The following AOPEP variants were observed in gnomAD, a reference collection of about 807,000 sequenced individuals.
The protein encoded by AOPEP is aminopeptidase O (putative).
AOPEP carries 77 observed loss-of-function variants against 98.1 expected under a neutral mutation model. That is an observed-to-expected ratio of 0.78 (90% CI 0.65 to 0.95). The LOEUF (loss-of-function observed/expected upper bound fraction) is 0.95. Ranked by LOEUF, AOPEP falls within the 40% of genes least tolerant of loss-of-function variation. AOPEP has a pLI of 0.00. For synonymous variants in AOPEP, 346 were observed against 365.3 expected (o/e 0.95, Z 0.60); for missense variants, 1,024 against 1,024.7 (o/e 1.00, Z 0.01).
intron 13 of AOPEP, among the ~76,000 whole-genome samples, chr9:95,016,775 CT>C (rs113574295): frequency 1.4e-3 from 196 of 142,232 alleles, no homozygotes; most frequent in Middle Eastern, 3.7e-3. Context: ...ACCATGTCAG[CT>C]TTTTTTTTTT....
At chr9:94,808,354 A>G (rs935822424) in intron 5 of AOPEP, among the ~76,000 whole-genome samples, 2 of 152,186 alleles carry the variant, frequency 1.3e-5, no homozygotes, top group African/African-American at 4.8e-5. Context: ...CTTTTCTTTA[A>G]GAGAAGTTTA....
chr9:94,889,530 C>T (rs2048630596), intron 5 of AOPEP, among the ~76,000 whole-genome samples: 1 of 152,070 alleles, frequency 6.6e-6, no homozygotes, highest in Non-Finnish European at 1.5e-5. Flanking sequence ...CTCTATCACC[C>T]AGGCTGGAGT....
At chr9:94,910,260 C>T (rs984765148) in intron 5 of AOPEP, among the ~76,000 whole-genome samples, 1 of 152,222 alleles carries the variant, frequency 6.6e-6, no homozygotes, top group African/African-American at 2.4e-5. Context: ...TGCCTCTTCA[C>T]CTGTGGAGAG....
At chr9:94,956,840 C>G (rs565689270) in intron 9 of AOPEP, among the ~76,000 whole-genome samples, 2 of 152,194 alleles carry the variant, frequency 1.3e-5, no homozygotes, top group Non-Finnish European at 2.9e-5. Context: ...GTCTCATTAT[C>G]TCCAGTGTTA....
intron 14 of AOPEP, among the ~76,000 whole-genome samples, chr9:95,069,166 A>C (rs1420829601): frequency 3.3e-5 from 5 of 152,194 alleles, no homozygotes; most frequent in African/African-American, 1.2e-4. Flanking sequence ...CAATCGACTT[A>C]CTTGCTGGAG....
chr9:95,029,348 T>TCC (rs1414411016), intron 13 of AOPEP, among the ~76,000 whole-genome samples: 1 of 152,192 alleles, frequency 6.6e-6, no homozygotes, highest in Non-Finnish European at 1.5e-5. Context: ...TTCCTGGCCT[T>TCC]TGTCCTTTTG....
At chr9:95,145,126 T>C in the AOPEP span, 2 of 152,256 alleles carry the variant, frequency 1.3e-5, no homozygotes, top group South Asian at 2.1e-4. Flanking sequence ...AATTAAAATA[T>C]GTATCCTAAT....
chr9:94,899,556 C>A (rs1368595515), intron 5 of AOPEP, among the ~76,000 whole-genome samples: 1 of 151,678 alleles, frequency 6.6e-6, no homozygotes, highest in Non-Finnish European at 1.5e-5. Flanking sequence ...TTGAGACCAG[C>A]CTGGGCAACA....
intron 14 of AOPEP, among the ~76,000 whole-genome samples, chr9:95,073,222 A>G (rs1359553868): frequency 6.6e-6 from 1 of 152,100 alleles, no homozygotes; most frequent in Non-Finnish European, 1.5e-5. Flanking sequence ...ACCTCATGCC[A>G]GCCCAGCCTG....
chr9:94,924,015 T>C lies in AOPEP; in HGVS notation c.1394T>C (p.Ile465Thr). Residue 465 changes from isoleucine to threonine, a missense_variant, in exon 6 of 17, where the codon ATC becomes ACC. Ile to Thr is a moderately conservative substitution (Grantham distance 89, BLOSUM62 -1). Coordinates refer to ENST00000375315, the MANE Select transcript of AOPEP (RefSeq NM_001193329.3). ...SPHIMFLSQS[I>T]LTGGNHLCGT... ...CACATCATGTTCCTCTCTCAGAGCA[T>C]CTTGACAGGAGGGAACCATCTCTGT... 1 of 1,485,262 alleles carries C rather than the reference T, an allele frequency of 6.7e-7. No homozygotes were observed. The highest frequency in any genetic ancestry group is 9.0e-7 in the Non-Finnish European group (1 of 1,113,940). The allele number at this position is 1,485,262 out of a possible 1,614,324, so 92.0% of individuals were successfully genotyped here. A position where few individuals can be genotyped will look rare whatever the true frequency, so the allele number is the denominator to read the frequency against.
chr9:94,776,297 T>TTTA (rs1470726011), intron 3 of AOPEP, among the ~76,000 whole-genome samples: 1 of 152,110 alleles, frequency 6.6e-6, no homozygotes, highest in African/African-American at 2.4e-5. Flanking sequence ...TCATTATTTA[T>TTTA]TTATTATTAT....
chr9:95,130,794 A>G, the AOPEP span, among the ~76,000 whole-genome samples: 2 of 152,238 alleles, frequency 1.3e-5, no homozygotes, highest in Non-Finnish European at 2.9e-5. Context: ...AAGATTCTCC[A>G]TAAGAGTCAT....
At chr9:94,776,628 T>C (rs1463588697) in intron 3 of AOPEP, among the ~76,000 whole-genome samples, 2 of 152,300 alleles carry the variant, frequency 1.3e-5, no homozygotes, top group East Asian at 3.9e-4. Flanking sequence ...TGGCTATGAG[T>C]ATCCTATAAA....
the AOPEP span, chr9:95,123,671 A>C: frequency 1.5e-6 from 1 of 651,054 alleles, no homozygotes; most frequent in East Asian, 3.2e-5. Context: ...TGCAGCAGTC[A>C]GGGACATTTC....
chr9:94,982,242 T>C (rs1046630277), intron 11 of AOPEP, among the ~76,000 whole-genome samples: 1 of 152,180 alleles, frequency 6.6e-6, no homozygotes, highest in Non-Finnish European at 1.5e-5. Context: ...TCACTCATTG[T>C]TCTGGGTATA....
chr9:94,847,319 A>C (rs1203405605), intron 5 of AOPEP, among the ~76,000 whole-genome samples: 1 of 151,896 alleles, frequency 6.6e-6, no homozygotes, highest in Non-Finnish European at 1.5e-5. Flanking sequence ...TCTTCCATTC[A>C]CCTAAGGAGT....
intron 13 of AOPEP, among the ~76,000 whole-genome samples, chr9:95,057,456 TTTCA>T (rs1446452752): frequency 6.6e-6 from 1 of 152,274 alleles, no homozygotes; most frequent in African/African-American, 2.4e-5. Flanking sequence ...ACGTGGTCTC[TTTCA>T]TTTGCTTTAC....
At chr9:95,034,270 G>A (rs1406185041) in intron 13 of AOPEP, among the ~76,000 whole-genome samples, 1 of 152,178 alleles carries the variant, frequency 6.6e-6, no homozygotes, top group African/African-American at 2.4e-5. Context: ...ATAGTAATTT[G>A]GACAGGTGTC....
At chr9:94,858,984 C>T (rs2044588294) in intron 5 of AOPEP, among the ~76,000 whole-genome samples, 2 of 141,612 alleles carry the variant, frequency 1.4e-5, no homozygotes, top group South Asian at 2.2e-4. Context: ...GCCAAGATTG[C>T]AGCACTGTAC....
Sources: allele counts gnomAD v4.1 joint callset (sites outside exome capture counted in the v4.1 genomes callset), GRCh38; gene constraint gnomAD v4.1.1; transcripts MANE v1.5; gene names NCBI Gene and HGNC (gene_info 2026-07-23, HGNC 2026-07-21).